FBXL2: variants seen among roughly 807,000 people sequenced by gnomAD.
FBXL2 encodes the protein F-box and leucine rich repeat protein 2.
Under a neutral mutation model 69.2 loss-of-function variants are expected in FBXL2, and 38 were observed. The ratio of observed to expected loss-of-function variants is 0.55; its 90% CI spans 0.42 to 0.72. The LOEUF (loss-of-function observed/expected upper bound fraction) is 0.72. FBXL2 is among the 30% of genes least tolerant of loss of function. FBXL2 has a pLI of 0.00. For synonymous variants in FBXL2, 192 were observed against 201.3 expected, an observed-to-expected ratio of 0.95 and a Z score of 0.39; for missense variants, 354 against 520.3, an observed-to-expected ratio of 0.68 and a Z score of 3.11.
intron 1 of FBXL2, among the ~76,000 whole-genome samples, chr3:33,288,172 A>C (rs1166817033): frequency 6.6e-6 from 1 of 152,318 alleles, no homozygotes; most frequent in South Asian, 2.1e-4. Context: ...GGAAGTTTTT[A>C]ATAGAGTCAG....
intron 13 of FBXL2, among the ~76,000 whole-genome samples, chr3:33,380,557 A>T (rs1035783297): frequency 4.2e-5 from 3 of 71,556 alleles, no homozygotes; most frequent in African/African-American, 8.7e-5. Context: ...AAACTCCATA[A>T]AAAAAAAAAA....
chr3:33,347,934 A>C (rs1239924325), intron 2 of FBXL2, among the ~76,000 whole-genome samples: 1 of 151,800 alleles, frequency 6.6e-6, no homozygotes, highest in Non-Finnish European at 1.5e-5. Context: ...CCTTTGTCAG[A>C]TGTGTAGTTT....
intron 2 of FBXL2, among the ~76,000 whole-genome samples, chr3:33,308,410 A>T (rs960980850): frequency 6.6e-6 from 1 of 152,216 alleles, no homozygotes; most frequent in African/African-American, 2.4e-5. Flanking sequence ...TGAGAAACTC[A>T]TAATTTCATA....
intron 2 of FBXL2, among the ~76,000 whole-genome samples, chr3:33,356,537 A>G (rs1333491234): frequency 6.6e-6 from 1 of 151,942 alleles, no homozygotes; most frequent in Non-Finnish European, 1.5e-5. Context: ...TTTAGTAGAG[A>G]TGGGGTTTCA....
At chr3:33,401,430 C>G (rs988642752) in intron 12 of FBXL2, among the ~76,000 whole-genome samples, 2 of 152,070 alleles carry the variant, frequency 1.3e-5, no homozygotes, top group Non-Finnish European at 2.9e-5. Flanking sequence ...AGTACAATGA[C>G]CCTAAGCAAA....
intron 5 of FBXL2, among the ~76,000 whole-genome samples, chr3:33,370,895 A>G (rs2042256558): frequency 1.3e-5 from 2 of 152,182 alleles, no homozygotes; most frequent in African/African-American, 2.4e-5. Context: ...TATTGTTTTC[A>G]TAAAGTTTGG....
intron 2 of FBXL2, among the ~76,000 whole-genome samples, chr3:33,345,970 T>TA (rs2040401398): frequency 6.6e-6 from 1 of 152,216 alleles, no homozygotes; most frequent in South Asian, 2.1e-4. Flanking sequence ...CTCATGCCTG[T>TA]AATCCTAGCA....
At chr3:33,306,790 G>A (rs1345427494) in intron 2 of FBXL2, among the ~76,000 whole-genome samples, 2 of 152,098 alleles carry the variant, frequency 1.3e-5, no homozygotes, top group African/African-American at 4.8e-5. Flanking sequence ...TTGTTCATCA[G>A]GAGTCATACA....
rs2043396764 is a variant in FBXL2, at chr3:33,385,849, C to G, written c.*241C>G. 1 of 526,592 alleles carries G rather than the reference C, an allele frequency of 1.9e-6. No homozygotes were observed. The highest frequency in any genetic ancestry group is 3.4e-6 in the Non-Finnish European group (1 of 293,334). The allele number at this position is 526,592 out of a possible 1,614,324, so 32.6% of individuals were successfully genotyped here. On this transcript the variant is annotated 3_prime_UTR_variant, in exon 15 of 15. Coordinates refer to ENST00000484457, the MANE Select transcript of FBXL2 (RefSeq NM_012157.5). Reference sequence around the variant, plus strand: ...CACATGACAAGTGGTCTCAATGCAGCTAGGACCATGCCAGAAACCTGGATC... The same window carrying G: ...CACATGACAAGTGGTCTCAATGCAGGTAGGACCATGCCAGAAACCTGGATC...
intron 10 of FBXL2, among the ~76,000 whole-genome samples, chr3:33,376,734 C>T (rs1428969172): frequency 2.0e-5 from 3 of 152,164 alleles, no homozygotes; most frequent in South Asian, 2.1e-4. Context: ...GGCATGGTGG[C>T]TCATGCCTGT....
chr3:33,418,889 T>G, the FBXL2 span, among the ~76,000 whole-genome samples: 3 of 140,252 alleles, frequency 2.1e-5, no homozygotes, highest in Non-Finnish European at 3.1e-5. Flanking sequence ...AAAAAATTGC[T>G]AACAAATGTC....
chr3:33,396,127 A>G, intron 12 of FBXL2: 1 of 1,509,024 alleles, frequency 6.6e-7, no homozygotes, highest in South Asian at 1.2e-5. Context: ...TGACAGTCTC[A>G]GAAGTGACAG....
At chr3:33,388,703 G>GAAA (rs1251261338), downstream of FBXL2, 2 of 152,164 alleles carry the variant, frequency 1.3e-5, no homozygotes, top group African/African-American at 4.8e-5. Context: ...AAAGCAAAGG[G>GAAA]AAAAAGTCAG....
intron 1 of FBXL2, among the ~76,000 whole-genome samples, chr3:33,288,275 C>T (rs1245151471): frequency 6.6e-6 from 1 of 152,086 alleles, no homozygotes; most frequent in Non-Finnish European, 1.5e-5. Flanking sequence ...GGTTTCTGTC[C>T]AACACATATT....
chr3:33,309,125 C>T (rs1047329305), intron 2 of FBXL2, among the ~76,000 whole-genome samples: 1 of 152,076 alleles, frequency 6.6e-6, no homozygotes. Flanking sequence ...ACAATATTTC[C>T]TTATTGATTT....
rs563302303 is a variant in FBXL2 at position 33,378,779 on chromosome 3, A to G, written c.951+38A>G. On this transcript the variant is annotated intron_variant, in intron 13 of 14. Transcript: ENST00000484457. ...TTTTCTGACATTATTCACCTGTTAAAGATGAAAGAGCCCTCCCACCACAAC... is the reference window on the plus strand; with the variant it reads ...TTTTCTGACATTATTCACCTGTTAAGGATGAAAGAGCCCTCCCACCACAAC... 3 of 1,614,042 alleles carry G rather than the reference A, an allele frequency of 1.9e-6. No homozygotes were observed. In the East Asian group the frequency reaches 6.7e-5, roughly 36 times the overall value.
At position 33,365,718 on chromosome 3, in the gene FBXL2, C is replaced by T. The variant is rs370478856; in HGVS notation, c.290+999C>T. ...GTGTGGGCAGCAAAATGAGACTCTT[C>T]GACCAAACAAACAAACAAACAAACA... On this transcript the variant is annotated intron_variant, in intron 5 of 14. Transcript: ENST00000484457. Among the ~76,000 whole-genome samples the T allele has an allele frequency of 7.8e-4, 109 of 139,962 alleles. 2 individuals carry two copies. The highest frequency in any genetic ancestry group is 2.2e-3 in the African/African-American group (82 of 37,306). 91.8% of individuals were successfully genotyped at this position (139,962 alleles called of 152,430 possible).
rs546811973 is a variant in FBXL2, at chr3:33,348,354, A to G, written c.66-10613A>G. On this transcript the variant is annotated intron_variant, in intron 2 of 14. Transcript: ENST00000484457. ...ATATGGATTTGTTTCTGGCTTCTCT[A>G]TTGTTCCATATGTGTCTGTTTCTAT... Among the ~76,000 whole-genome samples the G allele has an allele frequency of 1.8e-4, 28 of 151,932 alleles. 1 individual carries two copies. The highest frequency in any genetic ancestry group is 5.5e-4 in the African/African-American group (23 of 41,462).
chr3:33,326,721 A>G (rs1043527086), intron 2 of FBXL2, among the ~76,000 whole-genome samples: 1 of 152,108 alleles, frequency 6.6e-6, no homozygotes, highest in Non-Finnish European at 1.5e-5. Context: ...TTGAAAAAAA[A>G]TTATCTTCCA....
Sources: gnomAD v4.1 joint callset for allele counts (sites outside exome capture counted in the v4.1 genomes callset) on GRCh38, gnomAD v4.1.1 for gene constraint, MANE v1.5 for transcripts, NCBI Gene and HGNC (gene_info 2026-07-23, HGNC 2026-07-21) for gene names.